IL1RAPL1: variants seen among roughly 807,000 people sequenced by gnomAD.
IL1RAPL1 encodes the protein interleukin 1 receptor accessory protein like 1, also known as interleukin-1 receptor accessory protein-like 1.
A neutral mutation model predicts 48.4 loss-of-function variants in IL1RAPL1; 3 were observed. The ratio of observed to expected loss-of-function variants is 0.06; its 90% confidence interval spans 0.03 to 0.16. The LOEUF is 0.16. IL1RAPL1 is among the 10% of genes least tolerant of loss of function. IL1RAPL1 has a pLI of 1.00. For missense variants in IL1RAPL1, 349 were observed against 530.6 expected (o/e 0.66, Z 3.36); for synonymous variants, 185 against 187.7 (o/e 0.99, Z 0.12).
chrX:29,202,839 C>T (rs143651791), intron 2 of IL1RAPL1, among the ~76,000 whole-genome samples: 159 of 111,030 alleles, frequency 1.4e-3, no homozygotes, highest in Admixed American at 0.012. Flanking sequence ...AAGGGGACAA[C>T]GGATGCCAAG....
intron 6 of IL1RAPL1, among the ~76,000 whole-genome samples, chrX:29,800,329 A>G (rs777089690): frequency 4.6e-5 from 5 of 109,834 alleles, no homozygotes; most frequent in Non-Finnish European, 9.5e-5. Flanking sequence ...TTTCCCCATA[A>G]TTCCTTCCTT....
chrX:29,812,567 T>C (rs1010970946), intron 6 of IL1RAPL1, among the ~76,000 whole-genome samples: 13 of 111,214 alleles, frequency 1.2e-4, no homozygotes, highest in African/African-American at 4.2e-4. Context: ...GTTCTGCTGG[T>C]CCCTAGCCTG....
intron 6 of IL1RAPL1, among the ~76,000 whole-genome samples, chrX:29,901,252 T>C (rs970378703): frequency 8.9e-6 from 1 of 112,187 alleles, no homozygotes; most frequent in South Asian, 3.7e-4. Context: ...CTAAGAAATG[T>C]GGTCTACAAC....
At chrX:29,932,291 G>A (rs1932960084) in intron 8 of IL1RAPL1, among the ~76,000 whole-genome samples, 1 of 112,258 alleles carries the variant, frequency 8.9e-6, no homozygotes, top group African/African-American at 3.2e-5. Context: ...AGCTCTGTCT[G>A]TGTTAGTAAC....
chrX:29,770,556 T>C (rs1257605254), intron 6 of IL1RAPL1, among the ~76,000 whole-genome samples: 1 of 111,919 alleles, frequency 8.9e-6, no homozygotes, highest in East Asian at 2.8e-4. Context: ...GAGGTTGGTA[T>C]TATTGTTCTC....
chrX:29,751,843 G>A (rs907916466), intron 6 of IL1RAPL1, among the ~76,000 whole-genome samples: 2 of 107,973 alleles, frequency 1.9e-5, no homozygotes, highest in Non-Finnish European at 3.8e-5. Context: ...AAGGCAGGTG[G>A]ATCACTTGAA....
intron 6 of IL1RAPL1, among the ~76,000 whole-genome samples, chrX:29,769,764 G>A (rs1458690911): frequency 9.3e-6 from 1 of 107,337 alleles, no homozygotes; most frequent in Non-Finnish European, 1.9e-5. Flanking sequence ...TTAGAGGCAC[G>A]GGCCACCATG....
chrX:29,802,566 G>A (rs1929936222), intron 6 of IL1RAPL1, among the ~76,000 whole-genome samples: 1 of 97,523 alleles, frequency 1.0e-5, no homozygotes, highest in Admixed American at 1.2e-4. Flanking sequence ...TTATCAAATT[G>A]CTGTGAAATT....
intron 1 of IL1RAPL1, among the ~76,000 whole-genome samples, chrX:28,597,081 G>C (rs1356605561): frequency 1.8e-5 from 2 of 111,192 alleles, no homozygotes; most frequent in Admixed American, 9.6e-5. Flanking sequence ...ACCAAATGGA[G>C]CATGGTTAAG....
intron 6 of IL1RAPL1, among the ~76,000 whole-genome samples, chrX:29,719,293 G>A (rs1927567004): frequency 8.9e-6 from 1 of 111,878 alleles, no homozygotes; most frequent in Non-Finnish European, 1.9e-5. Flanking sequence ...AGTTGTAGAA[G>A]AATCCTTCAA....
chrX:28,914,966 C>T (rs1387387006), intron 2 of IL1RAPL1, among the ~76,000 whole-genome samples: 1 of 111,852 alleles, frequency 8.9e-6, no homozygotes, highest in Non-Finnish European at 1.9e-5. Context: ...ATCAGTGGCC[C>T]CCAACCTTTT....
chrX:28,862,769 A>G (rs1170379703), intron 2 of IL1RAPL1, among the ~76,000 whole-genome samples: 2 of 112,470 alleles, frequency 1.8e-5, no homozygotes, highest in East Asian at 5.5e-4. Context: ...AAAAGCCACA[A>G]TTTGGAGATT....
intron 2 of IL1RAPL1, among the ~76,000 whole-genome samples, chrX:28,976,785 G>C (rs1345833659): frequency 9.0e-6 from 1 of 111,337 alleles, no homozygotes; most frequent in Non-Finnish European, 1.9e-5. Flanking sequence ...AAAAGAGAGT[G>C]AACAGTGAGG....
In IL1RAPL1 at chrX:29,247,505, G is replaced by T. The variant is rs886301275; in HGVS notation, c.83-35433G>T. ...GTGAGCTTGTTAAAAAACAGAATTGGCCAGGTGCGGTGGCTCATGCTTGTA... is the reference window on the plus strand; with the variant it reads ...GTGAGCTTGTTAAAAAACAGAATTGTCCAGGTGCGGTGGCTCATGCTTGTA... On this transcript the variant is annotated intron_variant, in intron 2 of 10. Coordinates refer to ENST00000378993, the MANE Select transcript of IL1RAPL1 (RefSeq NM_014271.4). Among the ~76,000 whole-genome samples, 7 of 111,646 alleles carry T rather than the reference G, an allele frequency of 6.3e-5. No individual in the cohort carries two copies. In the East Asian group the frequency reaches 1.9e-3, roughly 31 times the overall value.
chrX:29,567,630 T>C (rs1210366256), intron 5 of IL1RAPL1, among the ~76,000 whole-genome samples: 1 of 111,799 alleles, frequency 8.9e-6, no homozygotes, highest in East Asian at 2.8e-4. Flanking sequence ...TCAAAATAAG[T>C]CGAATATTTG....
intron 6 of IL1RAPL1, among the ~76,000 whole-genome samples, chrX:29,682,885 G>A (rs1158482215): frequency 8.9e-6 from 1 of 112,065 alleles, no homozygotes; most frequent in Non-Finnish European, 1.9e-5. Context: ...ATAGAGAAAG[G>A]CCTAGGAGTC....
intron 3 of IL1RAPL1, among the ~76,000 whole-genome samples, chrX:29,319,160 G>GTCTGTCTGTCTGTCTATCTATCTATCTA (rs370282992): frequency 3.3e-4 from 28 of 84,982 alleles, no homozygotes; most frequent in African/African-American, 1.2e-3. Context: ...CTATCTGTCT[G>GTCTGTCTGTCTGTCTATCTATCTATCTA]TCTATCTATC....
intron 3 of IL1RAPL1, among the ~76,000 whole-genome samples, chrX:29,391,404 T>A: frequency 8.9e-6 from 1 of 112,088 alleles, no homozygotes; most frequent in South Asian, 3.7e-4. Context: ...AATCAGATTT[T>A]TTTTTTCTTC....
chrX:29,753,120 T>C (rs1928530545), intron 6 of IL1RAPL1, among the ~76,000 whole-genome samples: 1 of 111,992 alleles, frequency 8.9e-6, no homozygotes, highest in Non-Finnish European at 1.9e-5. Flanking sequence ...CAAAACATTC[T>C]GTGTAAGTTA....
Sources: gnomAD v4.1 joint callset for allele counts (sites outside exome capture counted in the v4.1 genomes callset) on GRCh38, gnomAD v4.1.1 for gene constraint, MANE v1.5 for transcripts, NCBI Gene and HGNC (gene_info 2026-07-23, HGNC 2026-07-21) for gene names.